The following GMCL1 variants were observed in gnomAD, a reference collection of about 807,000 sequenced individuals.
GMCL1 encodes germ cell-less protein-like 1.
In GMCL1, 54 loss-of-function variants were observed where a neutral mutation model predicts 75.5. That is an observed-to-expected ratio of 0.71 (90% CI 0.57 to 0.90). The LOEUF (loss-of-function observed/expected upper bound fraction) is 0.90. Ranked by LOEUF, GMCL1 falls within the 40% of genes least tolerant of loss-of-function variation. GMCL1 has a pLI of 0.00. For synonymous variants in GMCL1, 210 were observed against 209.6 expected, an observed-to-expected ratio of 1.00 and a Z score of -0.02; for missense variants, 537 against 622.7, an observed-to-expected ratio of 0.86 and a Z score of 1.47.
intron 12 of GMCL1, among the ~76,000 whole-genome samples, chr2:69,871,506 A>T (rs1279314604): frequency 6.6e-6 from 1 of 152,200 alleles, no homozygotes; most frequent in East Asian, 1.9e-4. Flanking sequence ...TTAAAATGAT[A>T]AATGTTACGT....
In GMCL1 at chr2:69,869,780, G is replaced by A. The variant is rs747684466; in HGVS notation, c.1280G>A (p.Arg427Gln). The change falls in exon 12 of 14, where the codon CGA becomes CAA. Residue 427 changes from arginine (R) to glutamine (Q), a missense_variant. By Grantham distance (43) the Arg-to-Gln change is conservative (BLOSUM62 1). Transcript: ENST00000282570. ...GFDLLVTYTN[R>Q]YIIFKRNTLN... ...GACCTACTTGTAACTTACACCAATCGATACATCATTTTCAAACGCAATACA... is the reference window on the plus strand; with the variant it reads ...GACCTACTTGTAACTTACACCAATCAATACATCATTTTCAAACGCAATACA... The A allele has an allele frequency of 1.2e-6, 2 of 1,613,760 alleles. No homozygotes were observed. The highest frequency in any genetic ancestry group is 1.3e-5 in the African/African-American group (1 of 74,838).
intron 7 of GMCL1, 24 bp from the exon 8 acceptor site, chr2:69,849,628 C>A: frequency 1.5e-6 from 2 of 1,361,158 alleles, no homozygotes; most frequent in South Asian, 1.4e-5. Flanking sequence ...TAATTGTTTT[C>A]TTATTTAATT....
intron 9 of GMCL1, among the ~76,000 whole-genome samples, chr2:69,860,105 G>T (rs138721351): frequency 2.1e-3 from 325 of 152,200 alleles, no homozygotes; most frequent in African/African-American, 7.6e-3. Context: ...AGACTCAAGA[G>T]ATCTTTCTGC....
chr2:69,878,990 G>C lies in GMCL1; in HGVS notation c.1534G>C (p.Glu512Gln). ...ICCNFLYISP[E>Q]KKN is the part of the protein sequence containing the mutation. ...CTGTAACTTCTTGTATATATCACCA[G>C]AAAAAAAGAATTGAAAATAATCGTC... is the stretch of plus-strand genomic sequence containing the variant. Residue 512 changes from glutamate to glutamine, a missense_variant, in exon 14 of 14, where the codon GAA becomes CAA. By Grantham distance (29) the Glu-to-Gln change is conservative. Transcript: ENST00000282570. The C allele has an allele frequency of 6.3e-7, 1 of 1,584,538 alleles. No homozygotes were observed.
At chr2:69,869,915 A>C in intron 12 of GMCL1, 51 bp downstream of exon 12, 1 of 1,571,168 alleles carries the variant, frequency 6.4e-7, no homozygotes, top group South Asian at 1.2e-5. Context: ...AGAAAATATA[A>C]GAAATAAAAC....
At chr2:69,843,329 A>G in intron 5 of GMCL1, 68 bp downstream of exon 5, 1 of 768,088 alleles carries the variant, frequency 1.3e-6, no homozygotes, top group Non-Finnish European at 2.3e-6. Context: ...GTTTCTTAAG[A>G]GAATGTATAG....
intron 11 of GMCL1, among the ~76,000 whole-genome samples, chr2:69,867,232 C>T (rs917611784): frequency 6.6e-6 from 1 of 152,162 alleles, no homozygotes; most frequent in African/African-American, 2.4e-5. Flanking sequence ...AGGCATGAGC[C>T]ACCACGTCCA....
chr2:69,874,640 T>C (rs1419924060), intron 13 of GMCL1, among the ~76,000 whole-genome samples: 1 of 152,142 alleles, frequency 6.6e-6, no homozygotes, highest in African/African-American at 2.4e-5. Context: ...TGACAGCTTA[T>C]ATTGTTCCTG....
At position 69,869,055 on chromosome 2, in the gene GMCL1, C is replaced by T. The variant is rs541046881; in HGVS notation, c.1219-664C>T. ...ATCACCTGAGGTCGGGAGTTCGAGA[C>T]CAGCCTGACCAACATGGAAAAACCC... is the stretch of plus-strand genomic sequence containing the variant. On this transcript the variant is annotated intron_variant, in intron 11 of 13. Coordinates refer to ENST00000282570, the MANE Select transcript of GMCL1 (RefSeq NM_178439.5). 2.5e-3 allele frequency among the ~76,000 whole-genome samples: 383 copies of T among 151,816 alleles called. 2 individuals are homozygous for T. Among genetic ancestry groups the T allele is most frequent in the African/African-American group, 8.9e-3 (368 of 41,416 alleles).
rs139646900 is a variant in GMCL1, at chr2:69,869,835, T to C, written c.1335T>C (p.Ser445=). The C allele has an allele frequency of 1.5e-5, 25 of 1,613,760 alleles. No individual in the cohort carries two copies. The African/African-American group carries it at 2.8e-4, about 18-fold the overall frequency. The change falls in exon 12 of 14, where the codon AGT becomes AGC. Residue 445 remains serine (S), a synonymous_variant. Transcript: ENST00000282570. ...ATCAGCCATGTAGCGGATCTGTCAGTTTACAGCCTCGAAGGAGCATAGCAT... is the reference window on the plus strand; with the variant it reads ...ATCAGCCATGTAGCGGATCTGTCAGCTTACAGCCTCGAAGGAGCATAGCAT... ...TLNQPCSGSV[S]LQPRRSIAFR...
intron 9 of GMCL1, among the ~76,000 whole-genome samples, chr2:69,855,829 C>G (rs1472364064): frequency 6.6e-6 from 1 of 152,124 alleles, no homozygotes; most frequent in Non-Finnish European, 1.5e-5. Flanking sequence ...ATACCAGGCC[C>G]TAGCAATAAT....
chr2:69,875,517 G>A (rs546711509), intron 13 of GMCL1, among the ~76,000 whole-genome samples: 1 of 151,924 alleles, frequency 6.6e-6, no homozygotes, highest in Non-Finnish European at 1.5e-5. Context: ...TTCCTATGGG[G>A]ATTTTAATTT....
At chr2:69,849,841 A>G (rs1573353835) in intron 8 of GMCL1, 99 bp downstream of exon 8, 1 of 641,512 alleles carries the variant, frequency 1.6e-6, no homozygotes, top group Non-Finnish European at 2.5e-6. Context: ...AATTAAATGA[A>G]ATCAGGCCCT....
intron 9 of GMCL1, among the ~76,000 whole-genome samples, chr2:69,856,352 C>A (rs1419621991): frequency 6.6e-6 from 1 of 152,038 alleles, no homozygotes; most frequent in Non-Finnish European, 1.5e-5. Flanking sequence ...ATCTGTTTAC[C>A]ATCTTTAGGT....
intron 12 of GMCL1, among the ~76,000 whole-genome samples, chr2:69,870,604 C>T (rs1573373166): frequency 6.6e-6 from 1 of 152,194 alleles, no homozygotes; most frequent in East Asian, 1.9e-4. Context: ...ATTTGTAACG[C>T]TACATTTGAT....
At chr2:69,837,773 T>C in intron 2 of GMCL1, 103 bp downstream of exon 2, 1 of 1,309,112 alleles carries the variant, frequency 7.6e-7, no homozygotes, top group Non-Finnish European at 1.1e-6. Flanking sequence ...AACACCATAG[T>C]GGTTAAATCC....
chr2:69,847,237 G>T (rs1675179854), intron 6 of GMCL1, among the ~76,000 whole-genome samples: 1 of 152,082 alleles, frequency 6.6e-6, no homozygotes, highest in Non-Finnish European at 1.5e-5. Flanking sequence ...CCGGAACCTT[G>T]CTTTAACTTG....
chr2:69,862,051 G>A (rs906757120), intron 10 of GMCL1, among the ~76,000 whole-genome samples: 1 of 152,212 alleles, frequency 6.6e-6, no homozygotes, highest in Admixed American at 6.5e-5. Context: ...TCTGGTTACA[G>A]ATACCTTCCC....
intron 13 of GMCL1, among the ~76,000 whole-genome samples, chr2:69,877,014 A>T (rs1315481058): frequency 6.6e-6 from 1 of 152,078 alleles, no homozygotes; most frequent in Admixed American, 6.6e-5. Context: ...GACAAAAAAC[A>T]CTACCAACAA....
Sources: allele counts gnomAD v4.1 joint callset (sites outside exome capture counted in the v4.1 genomes callset), GRCh38; gene constraint gnomAD v4.1.1; transcripts MANE v1.5; gene names NCBI Gene and HGNC (gene_info 2026-07-23, HGNC 2026-07-21).